Variants in CACNA1C observed in about 807,000 individuals in gnomAD.
CACNA1C encodes voltage-dependent L-type calcium channel subunit alpha-1C.
In CACNA1C, 30 loss-of-function variants were observed where a neutral mutation model predicts 229.0. That is an observed-to-expected ratio of 0.13 (90% confidence interval 0.10 to 0.18). The LOEUF is 0.18. Ranked by LOEUF, CACNA1C falls within the 10% of genes least tolerant of loss-of-function variation. CACNA1C has a pLI of 1.00. For synonymous variants in CACNA1C, 1,114 were observed against 1,132.5 expected (o/e 0.98, Z 0.33); for missense variants, 1,658 against 2,845.0 (o/e 0.58, Z 9.49).
intron 3 of CACNA1C, among the ~76,000 whole-genome samples, chr12:2,209,359 G>T (rs1258661756): frequency 6.6e-6 from 1 of 152,176 alleles, no homozygotes; most frequent in Non-Finnish European, 1.5e-5. Context: ...ATGTTCGACG[G>T]TTGTAATAGT....
intron 7 of CACNA1C, among the ~76,000 whole-genome samples, chr12:2,496,631 G>A (rs1263088690): frequency 6.6e-6 from 1 of 152,156 alleles, no homozygotes; most frequent in Non-Finnish European, 1.5e-5. Flanking sequence ...TTTAAAGAGT[G>A]GACTAAAAAT....
At chr12:2,521,188 G>T (rs1408470927) in intron 9 of CACNA1C, among the ~76,000 whole-genome samples, 1 of 152,220 alleles carries the variant, frequency 6.6e-6, no homozygotes, top group African/African-American at 2.4e-5. Context: ...ACCTGCCTTT[G>T]TATTGGTCTA....
chr12:2,338,024 C>A (rs1274196177), intron 3 of CACNA1C, among the ~76,000 whole-genome samples: 1 of 152,136 alleles, frequency 6.6e-6, no homozygotes, highest in Non-Finnish European at 1.5e-5. Context: ...TCCACACTTC[C>A]AGCCTGGAAT....
At position 2,371,724 on chromosome 12, in the gene CACNA1C, CTTT is replaced by C. The variant is rs61627008; in HGVS notation, c.478-77232_478-77230del. Among the ~76,000 whole-genome samples the C allele has an allele frequency of 6.3e-3, 809 of 128,980 alleles. 32 individuals carry two copies. Among genetic ancestry groups the C allele is most frequent in the East Asian group, 0.039 (170 of 4,398 alleles). The allele number at this position is 128,980 out of a possible 152,430, so 84.6% of individuals were successfully genotyped here. ...CAAGCACATACTAAATGACATATGG[CTTT>C]TTTTTTTTTTTTTTTTTTTAATCTC... On this transcript the variant is annotated intron_variant, in intron 3 of 46. Coordinates refer to ENST00000399655, the MANE Select transcript of CACNA1C (RefSeq NM_000719.7).
At chr12:2,247,170 A>G (rs2073694066) in intron 3 of CACNA1C, among the ~76,000 whole-genome samples, 1 of 152,166 alleles carries the variant, frequency 6.6e-6, no homozygotes, top group Non-Finnish European at 1.5e-5. Flanking sequence ...TCTTAAAAAT[A>G]GGCAGGACAT....
chr12:2,050,135 G>T (rs2051869178), upstream of CACNA1C, among the ~76,000 whole-genome samples: 1 of 152,138 alleles, frequency 6.6e-6, no homozygotes, highest in Non-Finnish European at 1.5e-5. Flanking sequence ...ATTATCTGCA[G>T]CATATTTTGC....
chr12:2,455,294 C>A (rs1394381681), intron 4 of CACNA1C, among the ~76,000 whole-genome samples: 1 of 152,212 alleles, frequency 6.6e-6, no homozygotes, highest in African/African-American at 2.4e-5. Context: ...ACGGTAGCCA[C>A]ACGTGGCCAT....
chr12:2,565,339 C>T (rs955813753), intron 11 of CACNA1C, among the ~76,000 whole-genome samples: 18 of 151,736 alleles, frequency 1.2e-4, no homozygotes, highest in African/African-American at 2.2e-4. Context: ...CGGTGGCGGG[C>T]GCCTGTAGTC....
rs2239100 is a variant in CACNA1C, at chr12:2,513,227, T to C, written c.1390+243T>C. ...TTTAGAATATTTCACCTTGAAAGACTGTTGAGATTTTGCTAAGGCAGAGGC... is the reference window on the plus strand; with the variant it reads ...TTTAGAATATTTCACCTTGAAAGACCGTTGAGATTTTGCTAAGGCAGAGGC... On this transcript the variant is annotated intron_variant, in intron 9 of 46. Transcript: ENST00000399655. Among the ~76,000 whole-genome samples the C allele has an allele frequency of 0.26, 39,599 of 152,058 alleles. 6,969 individuals carry two copies. The highest frequency in any genetic ancestry group is 0.59 in the East Asian group (3,051 of 5,140).
In CACNA1C at chr12:2,504,570, A is replaced by G. The variant is rs780632952; in HGVS notation, c.1114-272A>G. Reference sequence around the variant, plus strand: ...CTGACCGTTTCTATGTCCTCTCCACAACGCAGCCGAGCAAGGTCTCAGGTT... The same window carrying G: ...CTGACCGTTTCTATGTCCTCTCCACGACGCAGCCGAGCAAGGTCTCAGGTT... On this transcript the variant is annotated intron_variant, in intron 7 of 46. Coordinates refer to ENST00000399655, the MANE Select transcript of CACNA1C (RefSeq NM_000719.7). This position sits in a 1 kb window ranked among gnomAD's most constrained non-coding sequence, Gnocchi z 6.8. 2.3e-6 allele frequency: 3 copies of G among 1,312,350 alleles called. No homozygotes were observed. The highest frequency in any genetic ancestry group is 2.4e-5 in the South Asian group (2 of 85,088). The allele number at this position is 1,312,350 out of a possible 1,614,324, so 81.3% of individuals were successfully genotyped here.
At chr12:2,317,133 A>G (rs998309928) in intron 3 of CACNA1C, among the ~76,000 whole-genome samples, 3 of 152,210 alleles carry the variant, frequency 2.0e-5, no homozygotes, top group African/African-American at 7.2e-5. Flanking sequence ...TATAATTCTC[A>G]TACCATCTAA....
At chr12:2,066,786 C>T (rs909426349) in intron 1 of CACNA1C, among the ~76,000 whole-genome samples, 1 of 151,940 alleles carries the variant, frequency 6.6e-6, no homozygotes, top group Non-Finnish European at 1.5e-5. Flanking sequence ...AAGGAGGTAG[C>T]ACTCTGTCTT....
intron 3 of CACNA1C, among the ~76,000 whole-genome samples, chr12:2,333,962 A>G (rs1045980400): frequency 1.3e-5 from 2 of 152,348 alleles, no homozygotes; most frequent in African/African-American, 4.8e-5. Context: ...TCAGTCTTCT[A>G]ACTTCCTCTT....
intron 3 of CACNA1C, among the ~76,000 whole-genome samples, chr12:2,438,386 A>C (rs1332377391): frequency 2.1e-5 from 1 of 46,806 alleles, no homozygotes; most frequent in Non-Finnish European, 4.5e-5. Flanking sequence ...GATGGTGGTC[A>C]TGGTAGTCAT....
intron 11 of CACNA1C, among the ~76,000 whole-genome samples, chr12:2,565,550 C>G (rs1330528663): frequency 6.6e-6 from 1 of 151,652 alleles, no homozygotes; most frequent in Non-Finnish European, 1.5e-5. Context: ...GGCTTGCGGA[C>G]CAGTGGGGTT....
At chr12:2,229,760 G>A (rs553893346) in intron 3 of CACNA1C, among the ~76,000 whole-genome samples, 14 of 152,188 alleles carry the variant, frequency 9.2e-5, no homozygotes, top group Non-Finnish European at 1.9e-4. Flanking sequence ...ACAGACGAAC[G>A]GCCTGGCAGG....
At chr12:2,682,189 G>A (rs2097181913) in intron 42 of CACNA1C, 2 of 621,964 alleles carry the variant, frequency 3.2e-6, no homozygotes, top group African/African-American at 3.7e-5. Flanking sequence ...AGGTGAGTGG[G>A]GGGCAGCCTC....
chr12:2,360,177 C>CCACACA (rs373271524), intron 3 of CACNA1C, among the ~76,000 whole-genome samples: 6 of 117,530 alleles, frequency 5.1e-5, no homozygotes, highest in African/African-American at 1.4e-4. Flanking sequence ...CCCCCCCACC[C>CCACACA]CACACACACA....
chr12:2,540,617 A>T (rs1045250217), intron 9 of CACNA1C, among the ~76,000 whole-genome samples: 10 of 152,114 alleles, frequency 6.6e-5, no homozygotes, highest in Non-Finnish European at 1.3e-4. Flanking sequence ...TCCCAGGAGG[A>T]CTGTGCTGAC....
Sources: gnomAD v4.1 joint callset for allele counts (sites outside exome capture counted in the v4.1 genomes callset) on GRCh38, gnomAD v4.1.1 for gene constraint, Gnocchi (gnomAD v3.1) non-coding constraint, MANE v1.5 for transcripts, NCBI Gene and HGNC (gene_info 2026-07-23, HGNC 2026-07-21) for gene names.